IMPG2: variants seen among roughly 807,000 people sequenced by gnomAD.
IMPG2 encodes the protein IPM 200.
Under a neutral mutation model 129.2 loss-of-function variants are expected in IMPG2, and 91 were observed. The observed-to-expected ratio is 0.70, with a 90% CI of 0.59 to 0.84. The LOEUF (loss-of-function observed/expected upper bound fraction) is 0.84, where lower values mean the gene tolerates loss of function less well. IMPG2 is among the 40% of genes least tolerant of loss of function. The pLI is 0.00. For synonymous variants in IMPG2, 510 were observed against 517.7 expected, an observed-to-expected ratio of 0.99 and a Z score of 0.20; for missense variants, 1,430 against 1,461.7, an observed-to-expected ratio of 0.98 and a Z score of 0.35.
intron 14 of IMPG2, 146 bp from the exon 15 acceptor site, chr3:101,233,137 C>T (rs1357370607): frequency 1.4e-6 from 1 of 739,644 alleles, no homozygotes; most frequent in Non-Finnish European, 2.3e-6. Context: ...ACCAATACCA[C>T]ACACAAAAAC....
chr3:101,310,377 C>T (rs187791354), intron 2 of IMPG2, among the ~76,000 whole-genome samples: 8 of 152,020 alleles, frequency 5.3e-5, no homozygotes, highest in East Asian at 3.9e-4. Context: ...GCCTGGGCAA[C>T]GATATCTTGT....
chr3:101,246,146 A>T, intron 11 of IMPG2, 41 bp from the exon 12 acceptor site: 2 of 1,593,334 alleles, frequency 1.3e-6, no homozygotes, highest in Non-Finnish European at 1.7e-6. Flanking sequence ...TAGATAAAAG[A>T]AACATATAAA....
At chr3:101,292,949 C>T (rs1305134532) in intron 3 of IMPG2, among the ~76,000 whole-genome samples, 1 of 152,164 alleles carries the variant, frequency 6.6e-6, no homozygotes, top group Non-Finnish European at 1.5e-5. Flanking sequence ...GCAATTTAGC[C>T]TCATCTTCAG....
At chr3:101,312,557 A>G (rs1699839345) in intron 2 of IMPG2, among the ~76,000 whole-genome samples, 2 of 152,106 alleles carry the variant, frequency 1.3e-5, no homozygotes, top group Admixed American at 1.3e-4. Context: ...CAGAACCCCC[A>G]TACACTGCTG....
intron 3 of IMPG2, among the ~76,000 whole-genome samples, chr3:101,298,456 T>A (rs1380077199): frequency 6.6e-6 from 1 of 152,208 alleles, no homozygotes; most frequent in East Asian, 1.9e-4. Context: ...TAGTTGGTTA[T>A]TTTTGCACAC....
chr3:101,281,901 C>G (rs1180115216), intron 4 of IMPG2, among the ~76,000 whole-genome samples: 1 of 152,120 alleles, frequency 6.6e-6, no homozygotes, highest in Non-Finnish European at 1.5e-5. Context: ...AACAGATTCT[C>G]CCCTACAGCT....
rs764833875 is a variant in IMPG2 at position 101,273,687 on chromosome 3, T to G, written c.722A>C (p.Gln241Pro). 6.2e-7 allele frequency: 1 copy of G among 1,614,206 alleles called. No homozygotes were observed. The highest frequency in any genetic ancestry group is 2.2e-5 in the East Asian group (1 of 44,876). ...IEEATKPAGE[Q>P]IAEFSIHLLG... Reference sequence around the variant, plus strand: ...AAGGTGGATACTGAATTCTGCAATCTGTTCACCTGCTGGTTTTGTGGCTTC... The same window carrying G: ...AAGGTGGATACTGAATTCTGCAATCGGTTCACCTGCTGGTTTTGTGGCTTC... Residue 241 changes from glutamine (Q) to proline (P), a missense_variant, in exon 7 of 19, where the codon CAG (glutamine) becomes CCG (proline). Gln to Pro is a moderately conservative substitution (Grantham distance 76). Transcript: ENST00000193391.
At chr3:101,276,345 GA>G (rs1706840446) in intron 5 of IMPG2, among the ~76,000 whole-genome samples, 1 of 152,182 alleles carries the variant, frequency 6.6e-6, no homozygotes, top group African/African-American at 2.4e-5. Flanking sequence ...GGTGGCGTTA[GA>G]ATGGTTCTAC....
In IMPG2 at chr3:101,310,679, T is replaced by C. The variant is rs115655187; in HGVS notation, c.335-6367A>G. On this transcript the variant is annotated intron_variant, in intron 2 of 18. Coordinates refer to ENST00000193391, the MANE Select transcript of IMPG2 (RefSeq NM_016247.4). ...TGTGAGAATATGAGTGTTTACGACA[T>C]CATTCTTTCACTTTTCTGTTTAAAA... Among the ~76,000 whole-genome samples the C allele has an allele frequency of 2.1e-3, 317 of 151,992 alleles. 1 individual carries two copies. The highest frequency in any genetic ancestry group is 7.4e-3 in the African/African-American group (308 of 41,348).
chr3:101,232,952 T>G lies in IMPG2; in HGVS notation c.3062A>C (p.Glu1021Ala), dbSNP rs1482457072. Residue 1021 changes from glutamate to alanine, a missense_variant, in exon 15 of 19, where the codon GAA (glutamate) becomes GCA (alanine). Transcript: ENST00000193391. ...ANPCKFQACNEFSECLVNPWS... is the reference protein window; with the variant it reads ...ANPCKFQACNAFSECLVNPWS... ...GGGGTTGACCAGACACTCTGAAAAT[T>G]CATTACAGGCCTGAAACTTGCAAGG... 1.2e-6 allele frequency: 2 copies of G among 1,613,944 alleles called. No individual in the cohort carries two copies. The highest frequency in any genetic ancestry group is 2.7e-5 in the African/African-American group (2 of 74,896).
At chr3:101,235,000 C>T (rs573938076) in intron 14 of IMPG2, among the ~76,000 whole-genome samples, 5 of 152,296 alleles carry the variant, frequency 3.3e-5, no homozygotes, top group African/African-American at 7.2e-5. Context: ...ATGGAACACA[C>T]GTCTACACAA....
Position 101,269,512 on chromosome 3 carries a change from T to C in IMPG2, c.887+3A>G. On this transcript the variant is annotated splice_donor_region_variant and intron_variant, in intron 8 of 18. Transcript: ENST00000193391. Reference sequence around the variant, plus strand: ...ATGTGCATATTTAGATAAGTCTATTTACCTAAATTCAAGTACACGAATTTC... The same window carrying C: ...ATGTGCATATTTAGATAAGTCTATTCACCTAAATTCAAGTACACGAATTTC... 2 of 1,537,690 alleles carry C rather than the reference T, an allele frequency of 1.3e-6. No individual in the cohort carries two copies. The highest frequency in any genetic ancestry group is 1.8e-6 in the Non-Finnish European group (2 of 1,110,658).
At chr3:101,302,847 C>G (rs1307132485) in intron 3 of IMPG2, among the ~76,000 whole-genome samples, 1 of 152,140 alleles carries the variant, frequency 6.6e-6, no homozygotes, top group Non-Finnish European at 1.5e-5. Context: ...AAACCCTGCA[C>G]AGCTTCAAAA....
chr3:101,259,627 A>G (rs1244232194), intron 9 of IMPG2, among the ~76,000 whole-genome samples: 2 of 151,630 alleles, frequency 1.3e-5, no homozygotes, highest in African/African-American at 4.9e-5. Context: ...CAATCAAGGT[A>G]TTTACATATC....
At chr3:101,285,629 T>G (rs992177780) in intron 4 of IMPG2, among the ~76,000 whole-genome samples, 2 of 152,174 alleles carry the variant, frequency 1.3e-5, no homozygotes, top group Non-Finnish European at 2.9e-5. Flanking sequence ...ACTGATGGTT[T>G]GAGAAACATT....
At chr3:101,258,522 T>A (rs148072625) in intron 9 of IMPG2, among the ~76,000 whole-genome samples, 70 of 152,242 alleles carry the variant, frequency 4.6e-4, no homozygotes, top group African/African-American at 1.6e-3. Flanking sequence ...TGTTCCCAAT[T>A]AACTATGTGA....
In IMPG2 at chr3:101,243,789, C is replaced by A; in HGVS notation, c.2542G>T (p.Asp848Tyr). ...ISLELDRIGT[D>Y]YYQPEQVQEQ... ...TGGACTTGCTCAGGCTGATAGTAAT[C>A]TGTGCCTATCCGGTCCAGTTCTAAC... Residue 848 changes from aspartate to tyrosine, a missense_variant, in exon 13 of 19, where the codon GAT becomes TAT. Coordinates refer to ENST00000193391, the MANE Select transcript of IMPG2 (RefSeq NM_016247.4). 11 of 1,614,116 alleles carry A rather than the reference C, an allele frequency of 6.8e-6. No individual in the cohort carries two copies. The highest frequency in any genetic ancestry group is 9.3e-6 in the Non-Finnish European group (11 of 1,179,968).
rs1706833765 is a variant in IMPG2 at position 101,275,695 on chromosome 3, A to G, written c.634T>C (p.Ser212Pro). 5.0e-6 allele frequency: 8 copies of G among 1,613,976 alleles called. No individual in the cohort carries two copies. The highest frequency in any genetic ancestry group is 6.8e-6 in the Non-Finnish European group (8 of 1,179,836). The stretch of plus-strand genomic sequence containing the variant: ...TCTGGCCTTTCCAAGCTGCTCTCTG[A>G]GGCACCTTCATAGGCGTCCACCTCT... ...HPEVDAYEGA[S>P]ESSLERPEES... Residue 212 changes from serine (S) to proline (P), a missense_variant, in exon 6 of 19, where the codon TCA becomes CCA. Physicochemically the swap from Ser to Pro is moderately conservative, Grantham distance 74. Coordinates refer to ENST00000193391, the MANE Select transcript of IMPG2 (RefSeq NM_016247.4).
At chr3:101,310,601 A>G (rs1052270095) in intron 2 of IMPG2, among the ~76,000 whole-genome samples, 25 of 151,864 alleles carry the variant, frequency 1.6e-4, no homozygotes, top group Admixed American at 1.3e-3. Flanking sequence ...ATGGTTACAG[A>G]GATAGACACA....
Sources: gnomAD v4.1 joint callset for allele counts (sites outside exome capture counted in the v4.1 genomes callset) on GRCh38, gnomAD v4.1.1 for gene constraint, MANE v1.5 for transcripts, NCBI Gene and HGNC (gene_info 2026-07-23, HGNC 2026-07-21) for gene names.